The following GASK1A variants were observed in gnomAD, a reference collection of about 807,000 sequenced individuals.
GASK1A encodes the protein golgi associated kinase 1A, also known as Golgi-associated kinase 1A.
In GASK1A, 40 loss-of-function variants were observed where a neutral mutation model predicts 41.2. The ratio of observed to expected loss-of-function variants is 0.97; its 90% CI spans 0.75 to 1.27. GASK1A has a LOEUF of 1.27. Among genes scored for constraint, GASK1A ranks in the 50% most tolerant of loss-of-function variants. The pLI is 0.00. For missense variants in GASK1A, 678 were observed against 745.1 expected (o/e 0.91, Z 1.05); for synonymous variants, 316 against 307.1 (o/e 1.03, Z -0.30).
chr3:43,032,970 T>G lies in GASK1A; in HGVS notation c.707T>G (p.Leu236Arg). Residue 236 changes from leucine to arginine, a missense_variant, in exon 2 of 5, where the codon CTG (leucine) becomes CGG (arginine). Leu to Arg is a moderately radical substitution (Grantham distance 102, BLOSUM62 -2). Coordinates refer to ENST00000430121, the MANE Select transcript of GASK1A (RefSeq NM_001129908.3). ...CAGTGGCCTGGCTCTGTTGAGAAGC[T>G]GCAAGGGTCAGTATGGTGTGATGCT... ...AHQWPGSVEK[L>R]QGSVWCDAET... is the part of the protein sequence containing the mutation. 1 of 1,550,916 alleles carries G rather than the reference T, an allele frequency of 6.4e-7. No homozygotes were observed. The highest frequency in any genetic ancestry group is 1.4e-5 in the African/African-American group (1 of 73,144).
At chr3:43,049,651 C>T (rs1297023022) in intron 2 of GASK1A, among the ~76,000 whole-genome samples, 1 of 152,130 alleles carries the variant, frequency 6.6e-6, no homozygotes, top group Non-Finnish European at 1.5e-5. Context: ...TGGTCTACTG[C>T]CCTCAGCCTA....
chr3:43,001,729 C>A (rs1233145459), intron 1 of GASK1A, among the ~76,000 whole-genome samples: 2 of 152,106 alleles, frequency 1.3e-5, no homozygotes, highest in South Asian at 2.1e-4. Flanking sequence ...GATAGGTGGG[C>A]CCCTGCGGAT....
chr3:43,031,660 C>CGG (rs1335009848), intron 1 of GASK1A, among the ~76,000 whole-genome samples: 2 of 152,176 alleles, frequency 1.3e-5, no homozygotes, highest in African/African-American at 4.8e-5. Context: ...TGTGTGCAAC[C>CGG]GGCAGGGACG....
Position 42,987,727 on chromosome 3 carries a change from G to A in GASK1A, c.3+8082G>A, listed in dbSNP as rs142425017. On this transcript the variant is annotated intron_variant, in intron 1 of 4. Transcript: ENST00000430121. Reference sequence around the variant, plus strand: ...AGTAGGATAGAGAGAGGCTGGGTGTGGTGGCTCACACCTGTAATCCCAGCA... The same window carrying A: ...AGTAGGATAGAGAGAGGCTGGGTGTAGTGGCTCACACCTGTAATCCCAGCA... 8.2e-3 allele frequency among the ~76,000 whole-genome samples: 1,249 copies of A among 152,130 alleles called. 11 individuals are homozygous for A. Among genetic ancestry groups the A allele is most frequent in the Non-Finnish European group, 0.014 (933 of 67,998 alleles).
intron 1 of GASK1A, among the ~76,000 whole-genome samples, chr3:43,030,409 G>A (rs2089568727): frequency 6.6e-6 from 1 of 152,242 alleles, no homozygotes; most frequent in Non-Finnish European, 1.5e-5. Flanking sequence ...CACAGCTCAA[G>A]TGTAGAGTGA....
At chr3:42,981,545 G>A (rs2089283070) in intron 1 of GASK1A, among the ~76,000 whole-genome samples, 1 of 152,168 alleles carries the variant, frequency 6.6e-6, no homozygotes, top group Non-Finnish European at 1.5e-5. Context: ...CTAAAAAGGT[G>A]TGGGGAAGAA....
intron 1 of GASK1A, among the ~76,000 whole-genome samples, chr3:42,988,317 G>T (rs182129764): frequency 6.6e-6 from 1 of 152,326 alleles, no homozygotes; most frequent in East Asian, 1.9e-4. Flanking sequence ...TGGCTTTTGA[G>T]GGTGTTTGCT....
At chr3:42,989,328 T>C (rs2089329097) in intron 1 of GASK1A, among the ~76,000 whole-genome samples, 1 of 152,166 alleles carries the variant, frequency 6.6e-6, no homozygotes, top group South Asian at 2.1e-4. Context: ...CTGTGCAATC[T>C]CTTCCTTCTA....
rs552102489 is a variant in GASK1A at position 43,056,527 on chromosome 3, G to A, written c.*141G>A. ...CGGGATATTTCACCTGCCTGGGATG[G>A]TGGAGGTAGTATGGGGTTTTCAATC... On this transcript the variant is annotated 3_prime_UTR_variant, in exon 5 of 5. Transcript: ENST00000430121. The A allele has an allele frequency of 3.9e-5, 28 of 722,018 alleles. 2 individuals carry two copies. The South Asian group carries it at 6.0e-4, about 15-fold the overall frequency. 44.7% of individuals were successfully genotyped at this position (722,018 alleles called of 1,614,324 possible). A position where few individuals can be genotyped will look rare whatever the true frequency, so the allele number is the denominator to read the frequency against.
chr3:43,046,835 A>G lies in GASK1A; in HGVS notation c.1291-6686A>G, dbSNP rs546180834. On this transcript the variant is annotated intron_variant, in intron 2 of 4. Transcript: ENST00000430121. Reference sequence around the variant, plus strand: ...TGCCCTCCATCCCAGCTGCACCAAAAAGGGGCCAAAGTACAGCTCAAGCCA... The same window carrying G: ...TGCCCTCCATCCCAGCTGCACCAAAGAGGGGCCAAAGTACAGCTCAAGCCA... Among the ~76,000 whole-genome samples, 181 of 152,332 alleles carry G rather than the reference A, an allele frequency of 1.2e-3. 1 individual carries two copies. Among genetic ancestry groups the G allele is most frequent in the African/African-American group, 4.1e-3 (172 of 41,584 alleles).
intron 2 of GASK1A, among the ~76,000 whole-genome samples, chr3:43,041,089 G>GTA (rs1310730307): frequency 6.7e-6 from 1 of 149,960 alleles, no homozygotes; most frequent in Non-Finnish European, 1.5e-5. Context: ...ATTCCATGGT[G>GTA]TATATATGCC....
chr3:43,005,908 C>T (rs1043925280), intron 1 of GASK1A, among the ~76,000 whole-genome samples: 3 of 152,132 alleles, frequency 2.0e-5, no homozygotes, highest in Non-Finnish European at 4.4e-5. Flanking sequence ...GAAATGTGTT[C>T]TGATTTATGG....
At chr3:43,001,512 A>G (rs949260131) in intron 1 of GASK1A, among the ~76,000 whole-genome samples, 3 of 152,256 alleles carry the variant, frequency 2.0e-5, no homozygotes, top group African/African-American at 7.2e-5. Flanking sequence ...TATGTGGACA[A>G]GAATGCAGAG....
chr3:43,022,912 G>A (rs2089529333), intron 1 of GASK1A, among the ~76,000 whole-genome samples: 2 of 152,188 alleles, frequency 1.3e-5, no homozygotes, highest in Non-Finnish European at 2.9e-5. Context: ...AAAGAGTAAA[G>A]CACCTCTGTA....
chr3:43,046,602 C>T (rs1559407555), intron 2 of GASK1A, among the ~76,000 whole-genome samples: 1 of 152,186 alleles, frequency 6.6e-6, no homozygotes, highest in Non-Finnish European at 1.5e-5. Context: ...AACCCATTTT[C>T]TGGAGGGAAA....
intron 2 of GASK1A, among the ~76,000 whole-genome samples, chr3:43,035,273 G>T (rs1049336515): frequency 6.6e-6 from 1 of 152,178 alleles, no homozygotes; most frequent in Non-Finnish European, 1.5e-5. Context: ...CTGCAGGTTT[G>T]CTCTGCTTGC....
chr3:43,055,345 C>A, intron 3 of GASK1A, 87 bp from the exon 4 acceptor site: 2 of 903,326 alleles, frequency 2.2e-6, no homozygotes, highest in Non-Finnish European at 3.5e-6. Context: ...TCAGGGCTGT[C>A]AGCCCCTTAA....
chr3:43,019,332 A>C (rs2089509796), intron 1 of GASK1A, among the ~76,000 whole-genome samples: 1 of 152,136 alleles, frequency 6.6e-6, no homozygotes, highest in African/African-American at 2.4e-5. Context: ...ACAGTGGAGC[A>C]AACAGCCCAG....
At chr3:43,053,073 G>A (rs1407609302) in intron 2 of GASK1A, among the ~76,000 whole-genome samples, 1 of 152,232 alleles carries the variant, frequency 6.6e-6, no homozygotes, top group Non-Finnish European at 1.5e-5. Flanking sequence ...GGGTGAAAGA[G>A]CTGTCCAGTT....
Sources: gnomAD v4.1 joint callset for allele counts (sites outside exome capture counted in the v4.1 genomes callset) on GRCh38, gnomAD v4.1.1 for gene constraint, MANE v1.5 for transcripts, NCBI Gene and HGNC (gene_info 2026-07-23, HGNC 2026-07-21) for gene names.